LRCH3: variants seen among roughly 807,000 people sequenced by gnomAD.
LRCH3 encodes the protein DISP complex protein LRCH3.
Under a neutral mutation model 104.5 loss-of-function variants are expected in LRCH3, and 68 were observed. That is an observed-to-expected ratio of 0.65 (90% confidence interval 0.54 to 0.80). The LOEUF is 0.80. Ranked by LOEUF, LRCH3 falls within the 30% of genes least tolerant of loss-of-function variation. The pLI is 0.00. For synonymous variants in LRCH3, 344 were observed against 361.3 expected, an observed-to-expected ratio of 0.95 and a Z score of 0.54; for missense variants, 951 against 953.9, an observed-to-expected ratio of 1.00 and a Z score of 0.04.
Position 197,825,376 on chromosome 3 carries a change from A to T in LRCH3, c.641-1502A>T, listed in dbSNP as rs1386996510. Among the ~76,000 whole-genome samples the T allele has an allele frequency of 6.0e-4, 65 of 109,194 alleles. No individual in the cohort carries two copies. The East Asian group carries it at 6.0e-3, about 10-fold the overall frequency. 71.6% of individuals were successfully genotyped at this position (109,194 alleles called of 152,430 possible). A position where few individuals can be genotyped will look rare whatever the true frequency, so the allele number is the denominator to read the frequency against. ...GTTTTATATCTTTTTTTTTTTTTTT[A>T]AATAATTTTCTTTCTTCTGGTTTCT... On this transcript the variant is annotated intron_variant, in intron 4 of 20. Transcript: ENST00000425562.
At chr3:197,849,054 A>G (rs1003219186) in intron 12 of LRCH3, among the ~76,000 whole-genome samples, 2 of 152,176 alleles carry the variant, frequency 1.3e-5, no homozygotes, top group Non-Finnish European at 2.9e-5. Context: ...ACCTGAGGTC[A>G]GGAGTTTGAG....
chr3:197,850,614 A>G (rs1739457049), intron 12 of LRCH3: 2 of 1,579,436 alleles, frequency 1.3e-6, no homozygotes, highest in South Asian at 1.1e-5. Flanking sequence ...GATATGCTCA[A>G]TGACCAGAGA....
At chr3:197,792,813 G>A (rs1277488396) in intron 1 of LRCH3, among the ~76,000 whole-genome samples, 4 of 150,332 alleles carry the variant, frequency 2.7e-5, no homozygotes, top group African/African-American at 7.3e-5. Flanking sequence ...CACCACACCC[G>A]GCTAATTTTT....
intron 8 of LRCH3, among the ~76,000 whole-genome samples, 169 bp from the exon 9 acceptor site, chr3:197,835,505 A>T (rs1275628284): frequency 3.9e-5 from 6 of 152,038 alleles, no homozygotes; most frequent in Non-Finnish European, 4.4e-5. Flanking sequence ...GGTAAAAAAA[A>T]AAAAAAAAAA....
chr3:197,807,245 C>G (rs1732598893), intron 1 of LRCH3, among the ~76,000 whole-genome samples: 1 of 144,020 alleles, frequency 6.9e-6, no homozygotes, highest in Non-Finnish European at 1.5e-5. Context: ...GAGACGGAGT[C>G]TCGTTCTGTC....
At chr3:197,880,287 G>A (rs1173511283) in intron 20 of LRCH3, among the ~76,000 whole-genome samples, 1 of 152,150 alleles carries the variant, frequency 6.6e-6, no homozygotes, top group Non-Finnish European at 1.5e-5. Flanking sequence ...ACCAACAAAC[G>A]AATTTTATTC....
At chr3:197,846,787 C>T (rs1026971988) in intron 10 of LRCH3, among the ~76,000 whole-genome samples, 2 of 152,050 alleles carry the variant, frequency 1.3e-5, no homozygotes, top group African/African-American at 4.8e-5. Context: ...GTTACAGAGA[C>T]TTGAGCAATG....
chr3:197,881,757 A>G, intron 20 of LRCH3: 1 of 985,416 alleles, frequency 1.0e-6, no homozygotes, highest in Non-Finnish European at 1.2e-6. Context: ...CAAAATTGGG[A>G]TAAAGGATGA....
intron 1 of LRCH3, among the ~76,000 whole-genome samples, chr3:197,801,600 C>A (rs185085052): frequency 1.3e-5 from 2 of 152,274 alleles, no homozygotes; most frequent in East Asian, 3.9e-4. Flanking sequence ...CATCCCTCCT[C>A]CCCAGTTAGG....
intron 20 of LRCH3, 174 bp downstream of exon 20, chr3:197,875,949 C>A: frequency 2.2e-6 from 1 of 452,842 alleles, no homozygotes; most frequent in Non-Finnish European, 3.9e-6. Flanking sequence ...TTGATTATTT[C>A]CAAGGACCAC....
rs375083153 is a variant in LRCH3, at chr3:197,839,302, T to C, written c.1252-19T>C. 1.8e-5 allele frequency: 28 copies of C among 1,542,372 alleles called. No homozygotes were observed. Among genetic ancestry groups the C allele is most frequent in the Non-Finnish European group, 2.5e-5 (28 of 1,135,932 alleles). On this transcript the variant is annotated intron_variant, in intron 9 of 20. Coordinates refer to ENST00000425562, the MANE Select transcript of LRCH3 (RefSeq NM_001365715.1). ...TGGATTAATATACTAAATTTATTTA[T>C]TTCTGTCCTCTGGCCTAGGGTTCAC...
chr3:197,809,217 G>A (rs76323701), intron 1 of LRCH3, among the ~76,000 whole-genome samples: 53 of 151,670 alleles, frequency 3.5e-4, no homozygotes, highest in African/African-American at 1.2e-3. Flanking sequence ...AGGATCTCTC[G>A]AGCCCAAGAG....
Position 197,820,388 on chromosome 3 carries a change from G to C in LRCH3, c.598G>C (p.Asp200His). The change falls in exon 4 of 21, where the codon GAC (aspartate) becomes CAC (histidine). Residue 200 changes from aspartate to histidine, a missense_variant. Physicochemically the swap from Asp to His is moderately conservative, Grantham distance 81 (BLOSUM62 -1). Coordinates refer to ENST00000425562, the MANE Select transcript of LRCH3 (RefSeq NM_001365715.1). ...AATTGGTAACCTGGAGGCCTTGAGAGACCTTAATGTAAGAAGAAATCACCT... is the reference window on the plus strand; with the variant it reads ...AATTGGTAACCTGGAGGCCTTGAGACACCTTAATGTAAGAAGAAATCACCT... ...SQIGNLEALR[D>H]LNVRRNHLVH... The C allele has an allele frequency of 2.5e-6, 4 of 1,612,490 alleles. No homozygotes were observed. Among genetic ancestry groups the C allele is most frequent in the Non-Finnish European group, 3.4e-6 (4 of 1,178,582 alleles).
At chr3:197,867,385 C>T (rs531389206) in intron 17 of LRCH3, among the ~76,000 whole-genome samples, 1 of 151,746 alleles carries the variant, frequency 6.6e-6, no homozygotes, top group South Asian at 2.1e-4. Flanking sequence ...CACTGCACTC[C>T]AGCATGGATG....
At chr3:197,861,007 T>C (rs1270229355) in intron 15 of LRCH3, among the ~76,000 whole-genome samples, 2 of 151,576 alleles carry the variant, frequency 1.3e-5, no homozygotes, top group East Asian at 3.9e-4. Context: ...GTTTTGCTCT[T>C]GTTGCCCAGG....
chr3:197,857,686 G>T (rs1222567308), intron 14 of LRCH3, among the ~76,000 whole-genome samples: 1 of 152,240 alleles, frequency 6.6e-6, no homozygotes, highest in Admixed American at 6.5e-5. Context: ...TTTGACATTG[G>T]CAGTAGTTCC....
At chr3:197,861,763 G>T (rs1296067650) in intron 15 of LRCH3, among the ~76,000 whole-genome samples, 1 of 151,700 alleles carries the variant, frequency 6.6e-6, no homozygotes, top group African/African-American at 2.4e-5. Flanking sequence ...CAATTCTCTA[G>T]TGAGAGATTA....
chr3:197,799,688 G>A lies in LRCH3; in HGVS notation c.262+8148G>A, dbSNP rs543539659. Among the ~76,000 whole-genome samples the A allele has an allele frequency of 3.8e-3, 577 of 151,850 alleles. 11 individuals are homozygous for A. The highest frequency in any genetic ancestry group is 7.0e-3 in the Non-Finnish European group (479 of 67,962). ...TTGAGACCAACCTGACCAACATGGC[G>A]AAACCCCGTCTCTACTAAAAATACA... On this transcript the variant is annotated intron_variant, in intron 1 of 20. Coordinates refer to ENST00000425562, the MANE Select transcript of LRCH3 (RefSeq NM_001365715.1).
rs927148733 is a variant in LRCH3 at position 197,887,123 on chromosome 3, G to C, written c.*3457G>C. 1 of 151,210 alleles carries C rather than the reference G, an allele frequency of 6.6e-6. No homozygotes were observed. The highest frequency in any genetic ancestry group is 2.1e-4 in the South Asian group (1 of 4,820). The allele number at this position is 151,210 out of a possible 1,614,324, so 9.4% of individuals were successfully genotyped here. On this transcript the variant is annotated 3_prime_UTR_variant, in exon 21 of 21. Transcript: ENST00000425562. ...ACCCTCTGCAGAGGTAGGAAGGTATGAATTTCTTTTTTATGTCAAGATGCA... is the reference window on the plus strand; with the variant it reads ...ACCCTCTGCAGAGGTAGGAAGGTATCAATTTCTTTTTTATGTCAAGATGCA...
Sources: allele counts gnomAD v4.1 joint callset (sites outside exome capture counted in the v4.1 genomes callset), GRCh38; gene constraint gnomAD v4.1.1; transcripts MANE v1.5; gene names NCBI Gene and HGNC (gene_info 2026-07-23, HGNC 2026-07-21).